DNAH1: variants seen among roughly 807,000 people sequenced by gnomAD.
DNAH1 encodes axonemal beta dynein heavy chain 1.
Under a neutral mutation model 484.3 loss-of-function variants are expected in DNAH1, and 327 were observed. That is an observed-to-expected ratio of 0.68 (90% CI 0.62 to 0.74). DNAH1 has a LOEUF of 0.74. DNAH1 is among the 30% of genes least tolerant of loss of function. The pLI is 0.00. For missense variants in DNAH1, 5,052 were observed against 5,546.8 expected (o/e 0.91, Z 2.83); for synonymous variants, 2,192 against 2,191.9 (o/e 1.00, Z 0.00).
intron 15 of DNAH1, among the ~76,000 whole-genome samples, 194 bp from the exon 16 acceptor site, chr3:52,350,314 G>A (rs1702322667): frequency 6.6e-6 from 1 of 152,112 alleles, no homozygotes; most frequent in African/African-American, 2.4e-5. Context: ...GGAAGCTGGA[G>A]GTGTGGCAGC....
In DNAH1 at chr3:52,353,359, C is replaced by G; in HGVS notation, c.3227-21C>G. The G allele has an allele frequency of 2.5e-6, 4 of 1,608,302 alleles. No individual in the cohort carries two copies. Among genetic ancestry groups the G allele is most frequent in the Non-Finnish European group, 3.4e-6 (4 of 1,175,828 alleles). On this transcript the variant is annotated intron_variant, in intron 19 of 77. Transcript: ENST00000420323. This position sits in a 1 kb window ranked among gnomAD's most constrained non-coding sequence, Gnocchi z 5.0. ...CTGCCTCTGCCGCCTGCCTCTCATGCGTTTCTGTCTTACCCGGCAGCCTGC... is the reference window on the plus strand; with the variant it reads ...CTGCCTCTGCCGCCTGCCTCTCATGGGTTTCTGTCTTACCCGGCAGCCTGC...
rs374015766 is a variant in DNAH1, at chr3:52,348,914, C to G, written c.2133C>G (p.Ser711Arg). 6.2e-7 allele frequency: 1 copy of G among 1,613,006 alleles called. No individual in the cohort carries two copies. Among genetic ancestry groups the G allele is most frequent in the Non-Finnish European group, 8.5e-7 (1 of 1,179,856 alleles). Residue 711 changes from serine to arginine, a missense_variant, in exon 13 of 78, where the codon AGC becomes AGG. Physicochemically the swap from Ser to Arg is moderately radical, Grantham distance 110 (BLOSUM62 -1). Coordinates refer to ENST00000420323, the MANE Select transcript of DNAH1 (RefSeq NM_015512.5). ...TGGTGATGGAGGACATCTTCATCAG[C>G]GGTGACCCCCTGCTGGAGTCCGTGG... is the stretch of plus-strand genomic sequence containing the variant. ...EKLVMEDIFI[S>R]GDPLLESVGL...
rs903635029 is a variant in DNAH1 at position 52,383,299 on chromosome 3, T to C, written c.7942-87T>C. Reference sequence around the variant, plus strand: ...AGCCTTAGTGGTACAGTCTGTCAAATGGAGCTGTTGTGAAGGTCCAGCGAG... The same window carrying C: ...AGCCTTAGTGGTACAGTCTGTCAAACGGAGCTGTTGTGAAGGTCCAGCGAG... On this transcript the variant is annotated intron_variant, in intron 50 of 77. Coordinates refer to ENST00000420323, the MANE Select transcript of DNAH1 (RefSeq NM_015512.5). 2.5e-5 allele frequency: 30 copies of C among 1,205,556 alleles called. No homozygotes were observed. In the African/African-American group the frequency reaches 4.2e-4, roughly 17 times the overall value. The allele number at this position is 1,205,556 out of a possible 1,614,324, so 74.7% of individuals were successfully genotyped here. A position where few individuals can be genotyped will look rare whatever the true frequency, so the allele number is the denominator to read the frequency against.
At chr3:52,365,531 T>G (rs1194144954) in intron 34 of DNAH1, among the ~76,000 whole-genome samples, 1 of 152,186 alleles carries the variant, frequency 6.6e-6, no homozygotes, top group African/African-American at 2.4e-5. Flanking sequence ...GGCCACCATG[T>G]GTCTGGGAGG....
At chr3:52,392,738 G>A in intron 64 of DNAH1, 49 bp downstream of exon 64, 2 of 1,505,608 alleles carry the variant, frequency 1.3e-6, no homozygotes, top group East Asian at 2.4e-5. Context: ...CCCCGGGCCT[G>A]CCCCCCACCT....
rs905823358 is a variant in DNAH1 at position 52,384,025 on chromosome 3, A to G, written c.8316A>G (p.Gln2772=). 6 of 1,601,810 alleles carry G rather than the reference A, an allele frequency of 3.7e-6. No individual in the cohort carries two copies. Among genetic ancestry groups the G allele is most frequent in the Non-Finnish European group, 5.1e-6 (6 of 1,173,072 alleles). The change falls in exon 52 of 78, where the codon CAA becomes CAG. Residue 2772 remains glutamine (Q), a synonymous_variant. Coordinates refer to ENST00000420323, the MANE Select transcript of DNAH1 (RefSeq NM_015512.5). Reference sequence around the variant, plus strand: ...TGGAATCCTCCCAGGAAGAAATCCAAGGACTGGTGGGTGTCTTGCTGAAGC... The same window carrying G: ...TGGAATCCTCCCAGGAAGAAATCCAGGGACTGGTGGGTGTCTTGCTGAAGC... ...PELESSQEEI[Q]GLIQVCVYIH...
chr3:52,311,138 C>T, the DNAH1 span, among the ~76,000 whole-genome samples: 1 of 152,194 alleles, frequency 6.6e-6, no homozygotes, highest in Non-Finnish European at 1.5e-5. Context: ...GGCCCCCTCA[C>T]ACCCCTGTTG....
chr3:52,379,910 A>C lies in DNAH1; in HGVS notation c.7383A>C (p.Gln2461His). ...LMADPAKVED[Q>H]VQLLRLWYHE... is the part of the protein sequence containing the mutation. The stretch of plus-strand genomic sequence containing the variant: ...CGATGCTGGGGCTACTGCAGGACCA[A>C]GTGCAGCTGCTGCGACTGTGGTATC... Residue 2461 changes from glutamine to histidine, a missense_variant, in exon 48 of 78, where the codon CAA becomes CAC. Physicochemically the swap from Gln to His is conservative, Grantham distance 24 (BLOSUM62 0). Around this residue, in one of 4 missense-constraint regions of DNAH1, gnomAD observed 2,929 missense variants for 3,409.4 expected, o/e 0.86. Coordinates refer to ENST00000420323, the MANE Select transcript of DNAH1 (RefSeq NM_015512.5). This position sits in a 1 kb window ranked among gnomAD's most constrained non-coding sequence, Gnocchi z 4.4. 1.9e-6 allele frequency: 3 copies of C among 1,560,090 alleles called. No individual in the cohort carries two copies. The highest frequency in any genetic ancestry group is 2.6e-6 in the Non-Finnish European group (3 of 1,152,364).
intron 43 of DNAH1, 88 bp from the exon 44 acceptor site, chr3:52,372,808 C>T: frequency 2.6e-6 from 4 of 1,514,468 alleles, no homozygotes; most frequent in Non-Finnish European, 3.5e-6. Flanking sequence ...AAGGGCTTCC[C>T]AGAGGCAAAG....
chr3:52,344,885 C>T (rs1039708644), intron 9 of DNAH1, among the ~76,000 whole-genome samples: 3 of 152,206 alleles, frequency 2.0e-5, no homozygotes, highest in Non-Finnish European at 4.4e-5. Context: ...ACAGAAGTTG[C>T]AAGGTGAATG....
chr3:52,394,543 C>T lies in DNAH1; in HGVS notation c.10705C>T (p.Arg3569Trp), dbSNP rs774676554. 3.8e-5 allele frequency: 61 copies of T among 1,613,850 alleles called. No homozygotes were observed. Among genetic ancestry groups the T allele is most frequent in the East Asian group, 2.2e-4 (10 of 44,898 alleles). ...ENPAPDWLSD[R>W]AWRDILALSN... ...TCCGGCACCGGACTGGCTGTCAGAC[C>T]GGGCTTGGCGAGACATCCTAGCACT... Residue 3569 changes from arginine (R) to tryptophan (W), a missense_variant, in exon 67 of 78, where the codon CGG becomes TGG. Transcript: ENST00000420323.
At chr3:52,372,503 G>A (rs1703390443) in intron 43 of DNAH1, 116 bp downstream of exon 43, 4 of 1,398,136 alleles carry the variant, frequency 2.9e-6, no homozygotes, top group Non-Finnish European at 2.9e-6. Flanking sequence ...CCTCCCAGGG[G>A]GAGCTGACAG....
Position 52,365,020 on chromosome 3 carries a change from G to A in DNAH1, c.5518+1G>A. The stretch of plus-strand genomic sequence containing the variant: ...AACAGCAACCTCAAGGATGTGGAGG[G>A]TGAGCCTCGGGCCCTGAGTGTTCGT... On this transcript the variant is annotated splice_donor_variant, in intron 34 of 77. Coordinates refer to ENST00000420323, the MANE Select transcript of DNAH1 (RefSeq NM_015512.5). LOFTEE classifies it high-confidence loss of function. 6.2e-7 allele frequency: 1 copy of A among 1,606,576 alleles called. No individual in the cohort carries two copies. The highest frequency in any genetic ancestry group is 8.5e-7 in the Non-Finnish European group (1 of 1,174,378).
At chr3:52,396,225 G>A (rs537571531) in intron 70 of DNAH1, 143 bp from the exon 71 acceptor site, 135 of 901,332 alleles carry the variant, frequency 1.5e-4, no homozygotes, top group Middle Eastern at 3.5e-4. Context: ...GAGCCACCGC[G>A]CCCAGCCAAA....
chr3:52,345,471 G>A (rs1358730974), intron 9 of DNAH1, 24 bp from the exon 10 acceptor site: 2 of 1,550,164 alleles, frequency 1.3e-6, no homozygotes, highest in African/African-American at 2.7e-5. Context: ...GTCTGATACT[G>A]GCCCTTGGCC....
In DNAH1 at chr3:52,358,429, G is replaced by C; in HGVS notation, c.4087-129G>C. 5.8e-6 allele frequency: 6 copies of C among 1,043,276 alleles called. No homozygotes were observed. Among genetic ancestry groups the C allele is most frequent in the Non-Finnish European group, 8.1e-6 (6 of 737,424 alleles). The allele number at this position is 1,043,276 out of a possible 1,614,324, so 64.6% of individuals were successfully genotyped here. On this transcript the variant is annotated intron_variant, in intron 24 of 77. Coordinates refer to ENST00000420323, the MANE Select transcript of DNAH1 (RefSeq NM_015512.5). The surrounding 1 kb of genome is among the most constrained non-coding windows in gnomAD (Gnocchi z 4.2). The stretch of plus-strand genomic sequence containing the variant: ...AAGGCCCAGCCAAGATAGACTCTCG[G>C]GGGGACGGGAAGGCAGGGCTTTCTT...
chr3:52,400,262 A>G (rs968229167), intron 77 of DNAH1, 63 bp from the exon 78 acceptor site: 5 of 1,601,684 alleles, frequency 3.1e-6, no homozygotes, highest in Non-Finnish European at 4.3e-6. Context: ...CCCTGCCCCT[A>G]CGCTATCCCT....
At chr3:52,336,910 G>A (rs1450474729) in intron 8 of DNAH1, among the ~76,000 whole-genome samples, 1 of 152,092 alleles carries the variant, frequency 6.6e-6, no homozygotes, top group Non-Finnish European at 1.5e-5. Flanking sequence ...TTGGCTATGC[G>A]GGCTCTTTTT....
intron 47 of DNAH1, among the ~76,000 whole-genome samples, 193 bp downstream of exon 47, chr3:52,378,973 T>C (rs1703723581): frequency 6.6e-6 from 1 of 152,114 alleles, no homozygotes; most frequent in Non-Finnish European, 1.5e-5. Flanking sequence ...ACACCTGGAA[T>C]GGTGGCTGAG....
Sources: allele counts gnomAD v4.1 joint callset (sites outside exome capture counted in the v4.1 genomes callset), GRCh38; gene constraint gnomAD v4.1.1; regional missense constraint gnomAD v4.1.1; non-coding constraint Gnocchi (gnomAD v3.1); transcripts MANE v1.5; gene names NCBI Gene and HGNC (gene_info 2026-07-23, HGNC 2026-07-21).